IRS1: variants seen among roughly 807,000 people sequenced by gnomAD.
IRS1 encodes the protein insulin receptor substrate 1.
Under a neutral mutation model 65.6 loss-of-function variants are expected in IRS1, and 34 were observed. That is an observed-to-expected ratio of 0.52 (90% CI 0.39 to 0.69). IRS1 has a LOEUF of 0.69. Ranked by LOEUF, IRS1 falls within the 30% of genes least tolerant of loss-of-function variation. IRS1 has a pLI of 0.00. For missense variants in IRS1, 1,641 were observed against 1,720.2 expected (o/e 0.95, Z 0.81); for synonymous variants, 699 against 683.5 (o/e 1.02, Z -0.35).
intron 1 of IRS1, among the ~76,000 whole-genome samples, chr2:226,764,313 GT>G (rs757319643): frequency 5.6e-4 from 85 of 150,858 alleles, no homozygotes; most frequent in Non-Finnish European, 1.2e-3. Flanking sequence ...GGAGGTCGAG[GT>G]GGGAGAATTG....
chr2:226,799,661 CCCTCCT>C lies in IRS1; in HGVS notation c.-929_-924del, dbSNP rs960514836. On this transcript the variant is annotated 5_prime_UTR_variant, in exon 1 of 2. Coordinates refer to ENST00000305123, the MANE Select transcript of IRS1 (RefSeq NM_005544.3). This position sits in a 1 kb window ranked among gnomAD's most constrained non-coding sequence, Gnocchi z 6.1. ...CCGCTGCAGTTACTTCTCCCCTCCT[CCCTCCT>C]CCTCCTCCTCCTCGGAGAGTTGCCG... 14 of 999,918 alleles carry C rather than the reference CCCTCCT, an allele frequency of 1.4e-5. No individual in the cohort carries two copies. Among genetic ancestry groups the C allele is most frequent in the East Asian group, 1.1e-4 (1 of 8,802 alleles). The allele number at this position is 999,918 out of a possible 1,614,324, so 61.9% of individuals were successfully genotyped here.
intron 1 of IRS1, chr2:226,792,081 A>C (rs1024117199): frequency 6.6e-6 from 1 of 152,452 alleles, no homozygotes; most frequent in East Asian, 1.9e-4. Flanking sequence ...AATCCTTGAC[A>C]TCACAAAAAA....
At position 226,799,801 on chromosome 2, in the gene IRS1, T is replaced by A; in HGVS notation, c.-1063A>T. 1.0e-6 allele frequency: 1 copy of A among 989,558 alleles called. No individual in the cohort carries two copies. The highest frequency in any genetic ancestry group is 1.2e-6 in the Non-Finnish European group (1 of 829,734). 61.3% of individuals were successfully genotyped at this position (989,558 alleles called of 1,614,324 possible). ...AAAACACGTGACGGAGCCTCCGCGCTCGGCAGCCGGGCAGCCGCCGCCGGG... is the reference window on the plus strand; with the variant it reads ...AAAACACGTGACGGAGCCTCCGCGCACGGCAGCCGGGCAGCCGCCGCCGGG... On this transcript the variant is annotated 5_prime_UTR_variant, in exon 1 of 2. Coordinates refer to ENST00000305123, the MANE Select transcript of IRS1 (RefSeq NM_005544.3). This position sits in a 1 kb window ranked among gnomAD's most constrained non-coding sequence, Gnocchi z 6.1.
intron 1 of IRS1, among the ~76,000 whole-genome samples, chr2:226,787,394 C>A (rs1026634003): frequency 1.3e-5 from 2 of 152,042 alleles, no homozygotes; most frequent in African/African-American, 4.8e-5. Context: ...TGAAAAATGC[C>A]AACTTTTGTG....
chr2:226,777,775 C>T lies in IRS1; in HGVS notation c.*21+17214G>A, dbSNP rs778296430. Reference sequence around the variant, plus strand: ...ATGTGACTTGCTCCTCTTTACCTTCCGCCATGATTGTGAGGCCTCCCCAGC... The same window carrying T: ...ATGTGACTTGCTCCTCTTTACCTTCTGCCATGATTGTGAGGCCTCCCCAGC... On this transcript the variant is annotated intron_variant, in intron 1 of 1. Transcript: ENST00000305123. Among the ~76,000 whole-genome samples the T allele has an allele frequency of 4.6e-5, 7 of 152,160 alleles. No homozygotes were observed. The East Asian group carries it at 5.8e-4, about 13-fold the overall frequency.
At chr2:226,765,099 CTCATTCAT>C (rs1226210373) in intron 1 of IRS1, among the ~76,000 whole-genome samples, 2 of 152,136 alleles carry the variant, frequency 1.3e-5, no homozygotes, top group Admixed American at 6.6e-5. Context: ...ATAAATATTA[CTCATTCAT>C]TCATTCATTC....
At chr2:226,766,155 ATATATATATTTT>A (rs1309266591) in intron 1 of IRS1, among the ~76,000 whole-genome samples, 1 of 5,510 alleles carries the variant, frequency 1.8e-4, no homozygotes, top group Non-Finnish European at 4.0e-4. Flanking sequence ...ATATATATAT[ATATATATATTTT>A]TTTTTTTTTT....
rs1939809926 is a variant in IRS1, at chr2:226,798,602, T to C, written c.137A>G (p.Tyr46Cys). 1.2e-6 allele frequency: 2 copies of C among 1,613,320 alleles called. No homozygotes were observed. Among genetic ancestry groups the C allele is most frequent in the South Asian group, 2.2e-5 (2 of 91,088 alleles). Residue 46 changes from tyrosine (Y) to cysteine (C), a missense_variant, in exon 1 of 2, where the codon TAC (tyrosine) becomes TGC (cysteine). Physicochemically the swap from Tyr to Cys is radical, Grantham distance 194. Around this residue, in one of 3 missense-constraint regions of IRS1, gnomAD observed 240 missense variants for 229.6 expected, o/e 1.05. Transcript: ENST00000305123. The surrounding 1 kb of genome is among the most constrained non-coding windows in gnomAD (Gnocchi z 9.4). ...SEAGGPARLE[Y>C]YENEKKWRHK... ...CCGCCACTTCTTCTCGTTCTCGTAG[T>C]ACTCGAGGCGCGCCGGGCCCCCAGC...
chr2:226,775,375 A>G (rs1044234943), intron 1 of IRS1, among the ~76,000 whole-genome samples: 2 of 152,210 alleles, frequency 1.3e-5, no homozygotes, highest in African/African-American at 2.4e-5. Flanking sequence ...AAACAATTAA[A>G]TGGATCAAGG....
intron 1 of IRS1, among the ~76,000 whole-genome samples, chr2:226,766,006 C>T (rs1939022449): frequency 6.8e-6 from 1 of 148,026 alleles, no homozygotes; most frequent in Non-Finnish European, 1.5e-5. Flanking sequence ...ATTACTTTTC[C>T]TTCACGTTTC....
rs149298649 is a variant in IRS1 at position 226,738,110 on chromosome 2, A to G, written c.*22-1860T>C. Among the ~76,000 whole-genome samples the G allele has an allele frequency of 2.0e-4, 31 of 152,326 alleles. 1 individual carries two copies. The East Asian group carries it at 2.5e-3, about 12-fold the overall frequency. On this transcript the variant is annotated intron_variant, in intron 1 of 1. Transcript: ENST00000305123. ...CTAAGAGGACTTTATCTAATTATAG[A>G]GACAACAAGGACATGCTACATTGAC...
intron 1 of IRS1, among the ~76,000 whole-genome samples, chr2:226,754,805 T>A: frequency 6.6e-6 from 1 of 152,360 alleles, no homozygotes; most frequent in East Asian, 1.9e-4. Flanking sequence ...TTTCACTTAA[T>A]AGGCACTTGG....
In IRS1 at chr2:226,795,720, C is replaced by T. The variant is rs751826393; in HGVS notation, c.3019G>A (p.Ala1007Thr). The T allele has an allele frequency of 1.1e-5, 18 of 1,613,300 alleles. No homozygotes were observed. In the East Asian group the frequency reaches 3.8e-4, roughly 34 times the overall value. The change falls in exon 1 of 2, where the codon GCT (alanine) becomes ACT (threonine). Residue 1007 changes from alanine (A) to threonine (T), a missense_variant. By Grantham distance (58) the Ala-to-Thr change is moderately conservative. Around this residue, in one of 3 missense-constraint regions of IRS1, gnomAD observed 1,324 missense variants for 1,361.0 expected, o/e 0.97. Transcript: ENST00000305123. ...ATGTCAGCATAGCTTACAGGGGCAGCTGGCGAGGTGTCCACGTAGCTCTGA... is the reference window on the plus strand; with the variant it reads ...ATGTCAGCATAGCTTACAGGGGCAGTTGGCGAGGTGTCCACGTAGCTCTGA... ...PRQSYVDTSP[A>T]APVSYADMRT...
In IRS1 at chr2:226,798,405, G is replaced by A; in HGVS notation, c.334C>T (p.Gln112Ter). The change falls in exon 1 of 2, where the codon CAG (glutamine) becomes TAG (stop). Residue 112 changes from glutamine to a stop codon, truncating the protein, a stop_gained. Transcript: ENST00000305123. LOFTEE classifies it high-confidence loss of function. This position sits in a 1 kb window ranked among gnomAD's most constrained non-coding sequence, Gnocchi z 9.4. Reference protein sequence around the residue: ...EQDSWYQALLQLHNRAKGHHD... With the variant: ...EQDSWYQALL ...TGGCCCTTAGCACGGTTGTGCAGCTGTAGGAGAGCCTGGTACCAGCTGTCT... is the reference window on the plus strand; with the variant it reads ...TGGCCCTTAGCACGGTTGTGCAGCTATAGGAGAGCCTGGTACCAGCTGTCT... 1 of 1,614,062 alleles carries A rather than the reference G, an allele frequency of 6.2e-7. No individual in the cohort carries two copies. Among genetic ancestry groups the A allele is most frequent in the Non-Finnish European group, 8.5e-7 (1 of 1,180,008 alleles).
At chr2:226,774,925 G>A (rs1939239501) in intron 1 of IRS1, among the ~76,000 whole-genome samples, 1 of 152,218 alleles carries the variant, frequency 6.6e-6, no homozygotes, top group Admixed American at 6.5e-5. Flanking sequence ...GAGATTGCCA[G>A]GGGTTGGGGA....
chr2:226,798,719 C>A lies in IRS1; in HGVS notation c.20G>T (p.Ser7Ile), dbSNP rs1939816815. MASPPE[S>I]DGFSDVRKVG... ...CTTGCGCACGTCCGAGAAGCCATCG[C>A]TCTCCGGAGGGCTCGCCATGCTGCC... Residue 7 changes from serine to isoleucine, a missense_variant, in exon 1 of 2, where the codon AGC becomes ATC. Physicochemically the swap from Ser to Ile is moderately radical, Grantham distance 142. Around this residue, in one of 3 missense-constraint regions of IRS1, gnomAD observed 240 missense variants for 229.6 expected, o/e 1.05. Transcript: ENST00000305123. The surrounding 1 kb of genome is among the most constrained non-coding windows in gnomAD (Gnocchi z 9.4). 1.2e-6 allele frequency: 2 copies of A among 1,612,352 alleles called. No homozygotes were observed. The highest frequency in any genetic ancestry group is 1.7e-6 in the Non-Finnish European group (2 of 1,179,732).
In IRS1 at chr2:226,798,619, G is replaced by C. The variant is rs759116265; in HGVS notation, c.120C>G (p.Gly40=). The change falls in exon 1 of 2, where the codon GGC becomes GGG. Residue 40 remains glycine, a synonymous_variant. Coordinates refer to ENST00000305123, the MANE Select transcript of IRS1 (RefSeq NM_005544.3). The surrounding 1 kb of genome is among the most constrained non-coding windows in gnomAD (Gnocchi z 9.4). ...TCTCGTAGTACTCGAGGCGCGCCGG[G>C]CCCCCAGCCTCGCTGGCCGCGCGCA... ...FVLRAASEAG[G]PARLEYYENE... 6.2e-7 allele frequency: 1 copy of C among 1,613,086 alleles called. No homozygotes were observed. Among genetic ancestry groups the C allele is most frequent in the East Asian group, 2.2e-5 (1 of 44,844 alleles).
Position 226,797,311 on chromosome 2 carries a change from C to A in IRS1, c.1428G>T (p.Leu476=). 3 of 1,613,476 alleles carry A rather than the reference C, an allele frequency of 1.9e-6. No individual in the cohort carries two copies. The highest frequency in any genetic ancestry group is 2.5e-6 in the Non-Finnish European group (3 of 1,179,996). The change falls in exon 1 of 2, where the codon CTG becomes CTT. Residue 476 remains leucine, a synonymous_variant. Coordinates refer to ENST00000305123, the MANE Select transcript of IRS1 (RefSeq NM_005544.3). This position sits in a 1 kb window ranked among gnomAD's most constrained non-coding sequence, Gnocchi z 8.1. ...AAATGTAGTGACCGTTGGGGGCGGT[C>A]AGGGTGGAGGGCCCCTTGCCACCCA... ...ICMGGKGPST[L]TAPNGHYILS... is the part of the protein sequence containing the mutation.
chr2:226,795,888 T>C lies in IRS1; in HGVS notation c.2851A>G (p.Arg951Gly), dbSNP rs772126823. 2.5e-6 allele frequency: 4 copies of C among 1,613,610 alleles called. No individual in the cohort carries two copies. In the East Asian group the frequency reaches 8.9e-5, roughly 36 times the overall value. ...CCAGTGCTCTCCTGCCAGGCTGCCC[T>C]CCGGCCCGGCCCCAGGTCCATCTTC... ...YMKMDLGPGR[R>G]AAWQESTGVE... Residue 951 changes from arginine to glycine, a missense_variant, in exon 1 of 2, where the codon AGG (arginine) becomes GGG (glycine). This residue lies in a region of IRS1 where 1,324 missense variants were observed against 1,361.0 expected (regional missense o/e 0.97). Coordinates refer to ENST00000305123, the MANE Select transcript of IRS1 (RefSeq NM_005544.3).
Sources: allele counts gnomAD v4.1 joint callset (sites outside exome capture counted in the v4.1 genomes callset), GRCh38; gene constraint gnomAD v4.1.1; regional missense constraint gnomAD v4.1.1; non-coding constraint Gnocchi (gnomAD v3.1); transcripts MANE v1.5; gene names NCBI Gene and HGNC (gene_info 2026-07-23, HGNC 2026-07-21).